The following SGMS2 variants were observed in gnomAD, a reference collection of about 807,000 sequenced individuals.
The protein encoded by SGMS2 is sphingomyelin synthase 2.
SGMS2 carries 21 observed loss-of-function variants against 43.8 expected under a neutral mutation model. The observed-to-expected ratio is 0.48, with a 90% confidence interval of 0.34 to 0.69. SGMS2 has a LOEUF of 0.69. Among genes scored for constraint, SGMS2 ranks in the 30% least tolerant of loss-of-function variants. SGMS2 has a pLI of 0.01. For synonymous variants in SGMS2, 167 were observed against 160.6 expected (o/e 1.04, Z -0.30); for missense variants, 384 against 443.2 (o/e 0.87, Z 1.20).
rs1732319451 is a variant in SGMS2, at chr4:107,914,334, T to A, written c.*3781T>A. The A allele has an allele frequency of 6.6e-6, 1 of 152,150 alleles. No homozygotes were observed. The highest frequency in any genetic ancestry group is 1.5e-5 in the Non-Finnish European group (1 of 67,972). The allele number at this position is 152,150 out of a possible 1,614,324, so 9.4% of individuals were successfully genotyped here. A position where few individuals can be genotyped will look rare whatever the true frequency, so the allele number is the denominator to read the frequency against. On this transcript the variant is annotated 3_prime_UTR_variant, in exon 7 of 7. Transcript: ENST00000690982. ...TGAGAAGAGTGCTTTATTGTGAAAT[T>A]ATTTAAAACTGTCCTTTAAAAGAAA...
At chr4:107,876,715 A>G (rs955052007) in intron 2 of SGMS2, among the ~76,000 whole-genome samples, 1 of 152,186 alleles carries the variant, frequency 6.6e-6, no homozygotes, top group African/African-American at 2.4e-5. Context: ...TTTTCAGAGA[A>G]CTATTCTTTT....
intron 1 of SGMS2, among the ~76,000 whole-genome samples, chr4:107,831,711 A>T (rs2125986068): frequency 6.6e-6 from 1 of 152,308 alleles, no homozygotes; most frequent in South Asian, 2.1e-4. Flanking sequence ...TGGCTGTGCT[A>T]ATAGGAGCTG....
chr4:107,853,831 A>G (rs1343933338), intron 1 of SGMS2, among the ~76,000 whole-genome samples: 5 of 152,198 alleles, frequency 3.3e-5, no homozygotes, highest in Non-Finnish European at 1.5e-5. Context: ...AAGTCAGAGA[A>G]AAAGTAGAAA....
chr4:107,874,674 C>T (rs1292683253), intron 2 of SGMS2, among the ~76,000 whole-genome samples: 1 of 151,758 alleles, frequency 6.6e-6, no homozygotes, highest in Non-Finnish European at 1.5e-5. Flanking sequence ...TTCTTCATTT[C>T]CTTGATTTAT....
intron 2 of SGMS2, among the ~76,000 whole-genome samples, chr4:107,871,086 C>G (rs1728527806): frequency 6.6e-6 from 1 of 152,110 alleles, no homozygotes; most frequent in African/African-American, 2.4e-5. Flanking sequence ...CTTTAGAAAA[C>G]AGTTTTGATC....
intron 2 of SGMS2, among the ~76,000 whole-genome samples, chr4:107,883,663 T>C (rs1404623181): frequency 6.6e-6 from 1 of 152,238 alleles, no homozygotes; most frequent in Non-Finnish European, 1.5e-5. Flanking sequence ...AAGGTAACCA[T>C]AATTCATTTA....
At chr4:107,872,231 AATGGTTGTTC>A (rs1284381761) in intron 2 of SGMS2, among the ~76,000 whole-genome samples, 2 of 152,052 alleles carry the variant, frequency 1.3e-5, no homozygotes, top group African/African-American at 4.8e-5. Context: ...TCTTTCTGAC[AATGGTTGTTC>A]ATTTAAAATT....
rs1168286357 is a variant in SGMS2 at position 107,910,387 on chromosome 4, G to A, written c.932G>A (p.Arg311Gln). 13 of 1,613,794 alleles carry A rather than the reference G, an allele frequency of 8.1e-6. No homozygotes were observed. The East Asian group carries it at 8.9e-5, about 11-fold the overall frequency. The change falls in exon 7 of 7, where the codon CGA becomes CAA. Residue 311 changes from arginine (R) to glutamine (Q), a missense_variant. Transcript: ENST00000690982. ...KVSSQTNFLS[R>Q]AWWFPIFYFF... Reference sequence around the variant, plus strand: ...TCTTCACAGACTAATTTCTTATCTCGAGCATGGTGGTTCCCCATCTTTTAT... The same window carrying A: ...TCTTCACAGACTAATTTCTTATCTCAAGCATGGTGGTTCCCCATCTTTTAT...
Position 107,903,383 on chromosome 4 carries a change from G to C in SGMS2, c.724G>C (p.Glu242Gln). The change falls in exon 5 of 7, where the codon GAA (glutamate) becomes CAA (glutamine). Residue 242 changes from glutamate to glutamine, a missense_variant. Physicochemically the swap from Glu to Gln is conservative, Grantham distance 29. Transcript: ENST00000690982. ...TLTLTYLFIK[E>Q]YSPRHFWWYH... is the part of the protein sequence containing the mutation. ...GACACTGACTTATTTGTTCATCAAA[G>C]AATGTAAGTAATAGCCCATTCCCAC... 1 of 1,613,754 alleles carries C rather than the reference G, an allele frequency of 6.2e-7. No homozygotes were observed. The highest frequency in any genetic ancestry group is 1.1e-5 in the South Asian group (1 of 91,072).
chr4:107,847,477 C>G lies in SGMS2; in HGVS notation c.-326-10995C>G, dbSNP rs1400690273. 2.6e-5 allele frequency among the ~76,000 whole-genome samples: 4 copies of G among 151,766 alleles called. No individual in the cohort carries two copies. In the South Asian group the frequency reaches 6.2e-4, roughly 24 times the overall value. ...TGTTCTGTTCCATTGATCTATATCT[C>G]TGTTTTGGTACCAGTACCATGCTGT... On this transcript the variant is annotated intron_variant, in intron 1 of 6. Transcript: ENST00000690982.
At chr4:107,853,823 G>T (rs994893581) in intron 1 of SGMS2, among the ~76,000 whole-genome samples, 1 of 152,144 alleles carries the variant, frequency 6.6e-6, no homozygotes, top group Non-Finnish European at 1.5e-5. Flanking sequence ...AAACTGTTAA[G>T]TCAGAGAAAA....
intron 1 of SGMS2, among the ~76,000 whole-genome samples, chr4:107,827,300 A>G (rs1036389955): frequency 2.0e-5 from 3 of 152,226 alleles, no homozygotes; most frequent in Admixed American, 6.5e-5. Context: ...CAACAACTAC[A>G]TAACAGCCAC....
chr4:107,886,517 G>C (rs1037875542), intron 2 of SGMS2: 1 of 151,622 alleles, frequency 6.6e-6, no homozygotes, highest in Non-Finnish European at 1.5e-5. Context: ...TCAATAGAAG[G>C]AATCTCCTCA....
chr4:107,891,030 A>C (rs1369593168), intron 2 of SGMS2, among the ~76,000 whole-genome samples: 2 of 152,198 alleles, frequency 1.3e-5, no homozygotes, highest in Non-Finnish European at 2.9e-5. Context: ...CCTGGCTAGC[A>C]AAAAGGTGGC....
intron 1 of SGMS2, among the ~76,000 whole-genome samples, chr4:107,842,454 G>A (rs1726574213): frequency 1.3e-5 from 2 of 152,188 alleles, no homozygotes; most frequent in Admixed American, 1.3e-4. Flanking sequence ...CAAGGGGATG[G>A]TGCCGAACCA....
In SGMS2 at chr4:107,903,010, T is replaced by C. The variant is rs1023754079; in HGVS notation, c.574-223T>C. On this transcript the variant is annotated intron_variant, in intron 4 of 6. Transcript: ENST00000690982. ...CCAAGGACACACCACCACCAAGACA[T>C]ATTATTAGTAACATATTGAATAATT... is the stretch of plus-strand genomic sequence containing the variant. 3.3e-5 allele frequency among the ~76,000 whole-genome samples: 5 copies of C among 152,156 alleles called. 1 individual carries two copies. Among genetic ancestry groups the C allele is most frequent in the Admixed American group, 3.3e-4 (5 of 15,270 alleles).
At chr4:107,866,577 CAAAAACAAAAA>C (rs1351083657) in intron 2 of SGMS2, among the ~76,000 whole-genome samples, 1 of 148,844 alleles carries the variant, frequency 6.7e-6, no homozygotes, top group Non-Finnish European at 1.5e-5. Context: ...AAAAAAAAAC[CAAAAACAAAAA>C]AAAAACAAAC....
intron 2 of SGMS2, chr4:107,863,824 A>G (rs1384293344): frequency 6.6e-6 from 1 of 152,262 alleles, no homozygotes; most frequent in African/African-American, 2.4e-5. Context: ...TGTGACATAT[A>G]TGGAAACCAT....
At position 107,840,113 on chromosome 4, in the gene SGMS2, A is replaced by G. The variant is rs144336254; in HGVS notation, c.-327+14860A>G. Among the ~76,000 whole-genome samples the G allele has an allele frequency of 5.7e-3, 862 of 152,256 alleles. 8 individuals carry two copies. Among genetic ancestry groups the G allele is most frequent in the African/African-American group, 0.02 (826 of 41,544 alleles). ...CATATATCCTGTTTTAATCCACATA[A>G]CTTTTATACACATATGCACATACAT... On this transcript the variant is annotated intron_variant, in intron 1 of 6. Coordinates refer to ENST00000690982, the MANE Select transcript of SGMS2 (RefSeq NM_001375905.1).
Sources: gnomAD v4.1 joint callset for allele counts (sites outside exome capture counted in the v4.1 genomes callset) on GRCh38, gnomAD v4.1.1 for gene constraint, MANE v1.5 for transcripts, NCBI Gene and HGNC (gene_info 2026-07-23, HGNC 2026-07-21) for gene names.